Variants in MED13 observed in about 807,000 individuals in gnomAD.
MED13 encodes the protein mediator complex subunit 13.
A neutral mutation model predicts 225.2 loss-of-function variants in MED13; 23 were observed. The ratio of observed to expected loss-of-function variants is 0.10; its 90% CI spans 0.07 to 0.14. MED13 has a LOEUF of 0.14. MED13 is among the 10% of genes least tolerant of loss of function. MED13 has a pLI of 1.00. For synonymous variants in MED13, 942 were observed against 889.2 expected (o/e 1.06, Z -1.06); for missense variants, 2,197 against 2,594.5 (o/e 0.85, Z 3.33).
chr17:62,044,057 A>T (rs982508154), intron 3 of MED13, among the ~76,000 whole-genome samples: 14 of 152,176 alleles, frequency 9.2e-5, no homozygotes, highest in Non-Finnish European at 2.1e-4. Flanking sequence ...TAACCAAAGG[A>T]CATCCTAACG....
Position 61,944,725 on chromosome 17 carries a change from C to T in MED13, c.*1743G>A, listed in dbSNP as rs1026786380. 1.8e-4 allele frequency: 28 copies of T among 151,764 alleles called. No homozygotes were observed. Among genetic ancestry groups the T allele is most frequent in the African/African-American group, 5.6e-4 (23 of 41,242 alleles). 9.4% of individuals were successfully genotyped at this position (151,764 alleles called of 1,614,324 possible). ...ACACTGAAGTAGAGTTTTGTAAATA[C>T]AACTGATTTTGTCCTTGTAGATAAT... On this transcript the variant is annotated 3_prime_UTR_variant, in exon 30 of 30. Transcript: ENST00000397786.
chr17:61,987,179 G>C lies in MED13; in HGVS notation c.2264-51C>G, dbSNP rs1300798300. On this transcript the variant is annotated intron_variant, in intron 11 of 29. Transcript: ENST00000397786. ...AATTAAAACTGCTACTACTATGCCT[G>C]TAATCCCAGCACTTTGGGAGGCCGA... 6.3e-6 allele frequency: 9 copies of C among 1,419,394 alleles called. No homozygotes were observed. The East Asian group carries it at 2.3e-4, about 36-fold the overall frequency. The allele number at this position is 1,419,394 out of a possible 1,614,324, so 87.9% of individuals were successfully genotyped here. A position where few individuals can be genotyped will look rare whatever the true frequency, so the allele number is the denominator to read the frequency against.
intron 11 of MED13, among the ~76,000 whole-genome samples, chr17:61,988,595 C>T (rs915570904): frequency 1.3e-5 from 2 of 152,132 alleles, no homozygotes; most frequent in East Asian, 1.9e-4. Flanking sequence ...TGGAGATACT[C>T]CAGAATGTAG....
At chr17:62,016,504 T>C (rs2080582918) in intron 8 of MED13, among the ~76,000 whole-genome samples, 1 of 152,234 alleles carries the variant, frequency 6.6e-6, no homozygotes, top group South Asian at 2.1e-4. Flanking sequence ...TTCTACCTAA[T>C]TTATAAAGCT....
intron 9 of MED13, among the ~76,000 whole-genome samples, chr17:62,002,926 T>C (rs943591542): frequency 6.6e-6 from 1 of 152,224 alleles, no homozygotes; most frequent in African/African-American, 2.4e-5. Flanking sequence ...CTGGATAATT[T>C]TTTGTTATGG....
chr17:62,048,644 C>T (rs950110081), intron 3 of MED13, among the ~76,000 whole-genome samples: 1 of 151,996 alleles, frequency 6.6e-6, no homozygotes, highest in African/African-American at 2.4e-5. Flanking sequence ...ACCTCCTTTC[C>T]CCAATAGGTT....
chr17:62,016,899 A>AGGAGG (rs2080587452), intron 8 of MED13, among the ~76,000 whole-genome samples: 1 of 151,950 alleles, frequency 6.6e-6, no homozygotes, highest in Non-Finnish European at 1.5e-5. Context: ...AATCCCAACT[A>AGGAGG]CTCAGGAGGC....
chr17:61,966,612 A>G lies in MED13; in HGVS notation c.4231T>C (p.Leu1411=). Residue 1411 remains leucine (L), a synonymous_variant, in exon 19 of 30, where the codon TTA becomes CTA. Coordinates refer to ENST00000397786, the MANE Select transcript of MED13 (RefSeq NM_005121.3). The stretch of plus-strand genomic sequence containing the variant: ...CCAACTCTCATGATCCCATCTGTTA[A>G]CAGTCGAGAAACAGGTCTATGTTGA... ...LGQHRPVSRL[L]TDGIMRVGST... 6.2e-7 allele frequency: 1 copy of G among 1,613,554 alleles called. No individual in the cohort carries two copies. The highest frequency in any genetic ancestry group is 8.5e-7 in the Non-Finnish European group (1 of 1,179,824).
In MED13 at chr17:62,010,591, T is replaced by A. The variant is rs761434024; in HGVS notation, c.1926A>T (p.Pro642=). Residue 642 remains proline (P), a synonymous_variant, in exon 9 of 30, where the codon CCA becomes CCT. Transcript: ENST00000397786. ...CACTTTCCTGTCCAAAAGGTCCAAC[T>A]GGATCATCCTTGAATTTATCACTTG... is the stretch of plus-strand genomic sequence containing the variant. ...QLPSDKFKDD[P]VGPFGQESVT... 3.9e-5 allele frequency: 57 copies of A among 1,480,118 alleles called. No individual in the cohort carries two copies. The highest frequency in any genetic ancestry group is 5.1e-5 in the Non-Finnish European group (57 of 1,113,740). 91.7% of individuals were successfully genotyped at this position (1,480,118 alleles called of 1,614,324 possible).
intron 3 of MED13, among the ~76,000 whole-genome samples, chr17:62,045,584 G>A (rs1452057256): frequency 6.6e-6 from 1 of 151,978 alleles, no homozygotes; most frequent in Non-Finnish European, 1.5e-5. Flanking sequence ...CTCAAACATG[G>A]CAAGTTCAGA....
chr17:62,011,082 G>A lies in MED13; in HGVS notation c.1435C>T (p.Arg479Cys). 6.2e-7 allele frequency: 1 copy of A among 1,614,152 alleles called. No homozygotes were observed. Among genetic ancestry groups the A allele is most frequent in the Non-Finnish European group, 8.5e-7 (1 of 1,180,028 alleles). ...QKRPLTPFHHRVSVSDDVGMD... is the reference protein window; with the variant it reads ...QKRPLTPFHHCVSVSDDVGMD... ...CCAACATCATCACTAACAGACACAC[G>A]ATGGTGAAAAGGAGTCAAGGGGCGT... The change falls in exon 9 of 30, where the codon CGT becomes TGT. Residue 479 changes from arginine (R) to cysteine (C), a missense_variant. This residue lies in a region of MED13 where 884 missense variants were observed against 918.5 expected (regional missense o/e 0.96). Coordinates refer to ENST00000397786, the MANE Select transcript of MED13 (RefSeq NM_005121.3).
chr17:62,005,551 A>G (rs2080438685), intron 9 of MED13: 1 of 152,308 alleles, frequency 6.6e-6, no homozygotes, highest in Admixed American at 6.5e-5. Context: ...AGTTGCAGTG[A>G]GCCGAGACTG....
intron 16 of MED13, among the ~76,000 whole-genome samples, chr17:61,976,876 G>A (rs1053452750): frequency 6.6e-6 from 1 of 152,170 alleles, no homozygotes; most frequent in East Asian, 1.9e-4. Context: ...AGCTTGCAGT[G>A]AGCCGAGATC....
At chr17:61,970,942 T>A (rs1470140586) in intron 17 of MED13, among the ~76,000 whole-genome samples, 1 of 151,750 alleles carries the variant, frequency 6.6e-6, no homozygotes, top group African/African-American at 2.4e-5. Flanking sequence ...AGAGGATCAC[T>A]TGGACCCAGG....
In MED13 at chr17:62,029,607, G is replaced by C. The variant is rs1158708745; in HGVS notation, c.1217C>G (p.Thr406Arg). 1 of 1,614,140 alleles carries C rather than the reference G, an allele frequency of 6.2e-7. No individual in the cohort carries two copies. Among genetic ancestry groups the C allele is most frequent in the Admixed American group, 1.7e-5 (1 of 60,018 alleles). ...ASSGGLCEEA[T>R]AAKVASWDFV... ...ATCCCAGGATGCCACTTTAGCAGCT[G>C]TCGCTTCTTCGCATAGACCACCTGA... Residue 406 changes from threonine to arginine, a missense_variant, in exon 8 of 30, where the codon ACA (threonine) becomes AGA (arginine). Physicochemically the swap from Thr to Arg is moderately conservative, Grantham distance 71. This residue lies in a region of MED13 where 884 missense variants were observed against 918.5 expected (regional missense o/e 0.96). Transcript: ENST00000397786.
intron 4 of MED13, 88 bp from the exon 5 acceptor site, chr17:62,034,072 C>T: frequency 8.6e-7 from 1 of 1,157,122 alleles, no homozygotes; most frequent in Non-Finnish European, 1.2e-6. Flanking sequence ...AATAATCGTG[C>T]AATTATAAAA....
At chr17:61,969,028 G>A (rs927411783) in intron 17 of MED13, among the ~76,000 whole-genome samples, 8 of 152,024 alleles carry the variant, frequency 5.3e-5, no homozygotes, top group Admixed American at 3.9e-4. Flanking sequence ...CTGGGATTAC[G>A]TGCAGGAGCC....
At chr17:62,012,241 A>T (rs747399499) in intron 8 of MED13, among the ~76,000 whole-genome samples, 22 of 151,716 alleles carry the variant, frequency 1.5e-4, no homozygotes, top group Non-Finnish European at 3.2e-4. Flanking sequence ...AAAAACAAAC[A>T]AAAAAAAGAT....
intron 8 of MED13, among the ~76,000 whole-genome samples, chr17:62,011,966 C>A (rs2080513547): frequency 6.6e-6 from 1 of 152,240 alleles, no homozygotes; most frequent in South Asian, 2.1e-4. Flanking sequence ...CCTGCAATCC[C>A]AGCACTTTGG....
Sources: allele counts gnomAD v4.1 joint callset (sites outside exome capture counted in the v4.1 genomes callset), GRCh38; gene constraint gnomAD v4.1.1; regional missense constraint gnomAD v4.1.1; transcripts MANE v1.5; gene names NCBI Gene and HGNC (gene_info 2026-07-23, HGNC 2026-07-21).